OSBPL9: variants seen among roughly 807,000 people sequenced by gnomAD.
OSBPL9 encodes the protein oxysterol-binding protein-related protein 9.
OSBPL9 carries 40 observed loss-of-function variants against 106.6 expected under a neutral mutation model. The ratio of observed to expected loss-of-function variants is 0.38; its 90% CI spans 0.29 to 0.49. The LOEUF (loss-of-function observed/expected upper bound fraction) is 0.49, where lower values mean the gene tolerates loss of function less well. Ranked by LOEUF, OSBPL9 falls within the 20% of genes least tolerant of loss-of-function variation. The probability of loss-of-function intolerance (pLI) is 0.97; values close to 1 mark genes in which losing one functional copy is unlikely to be tolerated. For missense variants in OSBPL9, 609 were observed against 887.2 expected (o/e 0.69, Z 3.98); for synonymous variants, 269 against 295.4 (o/e 0.91, Z 0.92).
chr1:51,705,822 T>C lies in OSBPL9; in HGVS notation c.242-8181T>C, dbSNP rs189481916. 4.7e-4 allele frequency among the ~76,000 whole-genome samples: 72 copies of C among 152,366 alleles called. 3 individuals carry two copies. In the South Asian group the frequency reaches 0.012, roughly 25 times the overall value. On this transcript the variant is annotated intron_variant, in intron 3 of 23. Coordinates refer to ENST00000428468, the MANE Select transcript of OSBPL9 (RefSeq NM_024586.6). ...TTTTTTTCACATATTCAACCAACTT[T>C]GTATTTCTAAAATAAACACAACTTG... is the stretch of plus-strand genomic sequence containing the variant.
upstream of OSBPL9, among the ~76,000 whole-genome samples, chr1:51,612,507 T>C (rs139472270): frequency 1.3e-5 from 2 of 152,346 alleles, no homozygotes; most frequent in African/African-American, 4.8e-5. Flanking sequence ...GTAGGAACTA[T>C]AGCCGATGTG....
chr1:51,691,273 CTTTTTTTTT>C (rs1005953851), intron 3 of OSBPL9, among the ~76,000 whole-genome samples: 72 of 108,952 alleles, frequency 6.6e-4, no homozygotes, highest in African/African-American at 2.2e-3. Flanking sequence ...CTTGCTGTAA[CTTTTTTTTT>C]TTTTTTTTTT....
chr1:51,722,137 A>AT (rs1240104732), intron 4 of OSBPL9, among the ~76,000 whole-genome samples: 3 of 151,776 alleles, frequency 2.0e-5, no homozygotes, highest in Admixed American at 2.0e-4. Flanking sequence ...CTTGGTCAAC[A>AT]TAATGAGACT....
the OSBPL9 span, among the ~76,000 whole-genome samples, chr1:51,551,618 A>G: frequency 6.6e-6 from 1 of 151,818 alleles, no homozygotes; most frequent in Non-Finnish European, 1.5e-5. Context: ...ACAGGGTCTT[A>G]CTCTGTCATC....
chr1:51,526,733 C>CT, the OSBPL9 span, among the ~76,000 whole-genome samples: 15 of 147,878 alleles, frequency 1.0e-4, no homozygotes, highest in South Asian at 8.6e-4. Flanking sequence ...CTATTTTACC[C>CT]TTTTTTTTTT....
intron 2 of OSBPL9, among the ~76,000 whole-genome samples, chr1:51,602,409 T>C (rs1453165361): frequency 6.8e-6 from 1 of 147,950 alleles, no homozygotes; most frequent in Non-Finnish European, 1.5e-5. Context: ...TCATGAAACA[T>C]TTTTTTTTAA....
chr1:51,538,463 A>AT, the OSBPL9 span, among the ~76,000 whole-genome samples: 4,875 of 151,892 alleles, frequency 0.032, 125 homozygotes, highest in Non-Finnish European at 0.051. Flanking sequence ...ATTTAGATTC[A>AT]TTTTTTTTCC....
At chr1:51,617,246 C>T (rs1159889242) in intron 1 of OSBPL9, 25 bp downstream of exon 1, 11 of 1,578,972 alleles carry the variant, frequency 7.0e-6, no homozygotes, top group Non-Finnish European at 9.5e-6. Context: ...GGCACAGCTC[C>T]AGGCGCCTCG....
intron 1 of OSBPL9, among the ~76,000 whole-genome samples, chr1:51,582,260 T>C (rs570913311): frequency 7.9e-5 from 12 of 152,236 alleles, no homozygotes; most frequent in Non-Finnish European, 1.2e-4. Flanking sequence ...TCCCCTTCCA[T>C]ACCTTCAAAA....
chr1:51,721,163 C>T lies in OSBPL9; in HGVS notation c.318+7084C>T, dbSNP rs1245338763. ...TAATTTTTTTTTTTTTTTGTCGTCA[C>T]TAGCTTTTATCTAAAGCCCCTAGAG... On this transcript the variant is annotated intron_variant, in intron 4 of 23. Transcript: ENST00000428468. 2.7e-5 allele frequency among the ~76,000 whole-genome samples: 4 copies of T among 149,896 alleles called. No individual in the cohort carries two copies. In the East Asian group the frequency reaches 5.8e-4, roughly 22 times the overall value.
intron 2 of OSBPL9, among the ~76,000 whole-genome samples, chr1:51,668,588 C>G (rs1416325408): frequency 6.6e-6 from 1 of 152,178 alleles, no homozygotes; most frequent in African/African-American, 2.4e-5. Flanking sequence ...TGCCACTGCA[C>G]TCCAGCCTGG....
chr1:51,549,428 C>T, the OSBPL9 span, among the ~76,000 whole-genome samples: 2 of 152,230 alleles, frequency 1.3e-5, no homozygotes, highest in South Asian at 2.1e-4. Flanking sequence ...CTACTATGTT[C>T]CAGATCCTGC....
At chr1:51,635,084 T>C (rs891371748) in intron 1 of OSBPL9, among the ~76,000 whole-genome samples, 6 of 152,200 alleles carry the variant, frequency 3.9e-5, no homozygotes, top group African/African-American at 1.4e-4. Flanking sequence ...CAGCAAGGGC[T>C]GGGCCGTCTT....
At chr1:51,619,795 G>C (rs1249940245) in intron 1 of OSBPL9, among the ~76,000 whole-genome samples, 1 of 152,222 alleles carries the variant, frequency 6.6e-6, no homozygotes, top group Non-Finnish European at 1.5e-5. Context: ...TTCGGATTCT[G>C]AAGGATTTGA....
At chr1:51,687,845 G>C (rs747283099) in intron 3 of OSBPL9, among the ~76,000 whole-genome samples, 1 of 152,200 alleles carries the variant, frequency 6.6e-6, no homozygotes, top group African/African-American at 2.4e-5. Context: ...AAGCCTCCTC[G>C]TCACATTTGT....
chr1:51,669,722 G>T, intron 3 of OSBPL9: 1 of 659,250 alleles, frequency 1.5e-6, no homozygotes, highest in Non-Finnish European at 2.8e-6. Flanking sequence ...CTGTGGATCT[G>T]GCTGCAGTTG....
At chr1:51,541,852 T>C in the OSBPL9 span, among the ~76,000 whole-genome samples, 1 of 152,064 alleles carries the variant, frequency 6.6e-6, no homozygotes, top group African/African-American at 2.4e-5. Context: ...GGGAGAATAG[T>C]AAACACAAAT....
chr1:51,548,062 AT>A, the OSBPL9 span, among the ~76,000 whole-genome samples: 4 of 152,132 alleles, frequency 2.6e-5, no homozygotes, highest in South Asian at 8.3e-4. Flanking sequence ...ATACCTATTA[AT>A]TTTCAAAATT....
Position 51,788,838 on chromosome 1 carries a change from A to ATATC in OSBPL9, c.*1066_*1069dup, listed in dbSNP as rs72343545. Among the ~76,000 whole-genome samples the ATATC allele has an allele frequency of 8.1e-3, 1,237 of 152,026 alleles. 11 individuals are homozygous for ATATC. Among genetic ancestry groups the ATATC allele is most frequent in the African/African-American group, 0.026 (1,083 of 41,414 alleles). On this transcript the variant is annotated 3_prime_UTR_variant, in exon 24 of 24. Coordinates refer to ENST00000428468, the MANE Select transcript of OSBPL9 (RefSeq NM_024586.6). ...TCATTCTGAAGGGAAATACAGAACTATATCTATCTATCTATCTATCATCTT... is the reference window on the plus strand; with the variant it reads ...TCATTCTGAAGGGAAATACAGAACTATATCTATCTATCTATCTATCTATCATCTT...
Sources: allele counts gnomAD v4.1 joint callset (sites outside exome capture counted in the v4.1 genomes callset), GRCh38; gene constraint gnomAD v4.1.1; transcripts MANE v1.5; gene names NCBI Gene and HGNC (gene_info 2026-07-23, HGNC 2026-07-21).